IFITM10: variants seen among roughly 807,000 people sequenced by gnomAD.
The protein encoded by IFITM10 is interferon-induced transmembrane protein 10.
Under a neutral mutation model 19.0 loss-of-function variants are expected in IFITM10, and 17 were observed. That is an observed-to-expected ratio of 0.90 (90% CI 0.61 to 1.34). The LOEUF (loss-of-function observed/expected upper bound fraction) is 1.34. Among genes scored for constraint, IFITM10 ranks in the 40% most tolerant of loss-of-function variants. The pLI, the probability that IFITM10 is intolerant of heterozygous loss-of-function variation, is 0.00. For synonymous variants in IFITM10, 148 were observed against 147.2 expected, an observed-to-expected ratio of 1.01 and a Z score of -0.04; for missense variants, 306 against 319.8, an observed-to-expected ratio of 0.96 and a Z score of 0.33.
intron 2 of IFITM10, among the ~76,000 whole-genome samples, chr11:1,742,555 G>A (rs1845581981): frequency 6.6e-6 from 1 of 152,210 alleles, no homozygotes; most frequent in African/African-American, 2.4e-5. Context: ...AGCAGCAGGA[G>A]GAAGGGCGGG....
rs1182106613 is a variant in IFITM10, at chr11:1,735,125, C to T, written c.*155G>A. The T allele has an allele frequency of 2.8e-6, 2 of 723,720 alleles. No individual in the cohort carries two copies. Among genetic ancestry groups the T allele is most frequent in the African/African-American group, 1.8e-5 (1 of 56,002 alleles). 44.8% of individuals were successfully genotyped at this position (723,720 alleles called of 1,614,324 possible). A position where few individuals can be genotyped will look rare whatever the true frequency, so the allele number is the denominator to read the frequency against. On this transcript the variant is annotated 3_prime_UTR_variant, in exon 3 of 3. Transcript: ENST00000340134. ...CTCACTGCCCCCTTGCTGTACTCAG[C>T]TTCTGATGGCCTTGCTGCCCAGTTC...
chr11:1,742,910 G>C (rs113127853), intron 2 of IFITM10, among the ~76,000 whole-genome samples: 2 of 151,442 alleles, frequency 1.3e-5, no homozygotes, highest in African/African-American at 4.9e-5. Flanking sequence ...TGGACAGATG[G>C]AGGATGGATA....
rs982975857 is a variant in IFITM10, at chr11:1,747,569, C to T, written c.537+98G>A. On this transcript the variant is annotated intron_variant, in intron 2 of 2. Transcript: ENST00000340134. ...TGCACCTGTTCTACCCGTGTGCTCC[C>T]CTGAGAGGGAGAGGGGCCGAGCGCC... is the stretch of plus-strand genomic sequence containing the variant. The T allele has an allele frequency of 8.3e-6, 9 of 1,082,416 alleles. No individual in the cohort carries two copies. In the Admixed American group the frequency reaches 1.5e-4, roughly 19 times the overall value. The allele number at this position is 1,082,416 out of a possible 1,614,324, so 67.1% of individuals were successfully genotyped here.
At position 1,743,029 on chromosome 11, in the gene IFITM10, G is replaced by A. The variant is rs376283396; in HGVS notation, c.537+4638C>T. Among the ~76,000 whole-genome samples, 274 of 148,056 alleles carry A rather than the reference G, an allele frequency of 1.9e-3. 13 individuals are homozygous for A. The South Asian group carries it at 0.059, about 32-fold the overall frequency. The stretch of plus-strand genomic sequence containing the variant: ...AGATAAATGGATGGATGGATTGAGG[G>A]TGGATGGATGGATGGATGAAGGATG... On this transcript the variant is annotated intron_variant, in intron 2 of 2. Transcript: ENST00000340134.
intron 2 of IFITM10, among the ~76,000 whole-genome samples, chr11:1,738,199 C>T (rs1285782558): frequency 6.6e-6 from 1 of 151,996 alleles, no homozygotes; most frequent in Non-Finnish European, 1.5e-5. Context: ...ATGAGTGGGA[C>T]AGGGAGAGAG....
chr11:1,735,328 G>A lies in IFITM10; in HGVS notation c.639C>T (p.Cys213=), dbSNP rs1851074685. Residue 213 remains cysteine (C), a synonymous_variant, in exon 3 of 3, where the codon TGC becomes TGT. Transcript: ENST00000340134. ...NITSSALAAS[C]IILVFIFLRY... is the part of the protein sequence containing the mutation. The stretch of plus-strand genomic sequence containing the variant: ...GCAGGAAGATGAAGACGAGGATGAT[G>A]CAGGAGGCTGCCAGGGCAGAACTGG... 1 of 1,551,730 alleles carries A rather than the reference G, an allele frequency of 6.4e-7. No homozygotes were observed.
chr11:1,750,108 C>T (rs1845700292), intron 1 of IFITM10, among the ~76,000 whole-genome samples: 1 of 152,170 alleles, frequency 6.6e-6, no homozygotes, highest in Non-Finnish European at 1.5e-5. Context: ...CCTTCTGAGC[C>T]TGGTCCCCTG....
chr11:1,743,791 T>G (rs1845601021), intron 2 of IFITM10, among the ~76,000 whole-genome samples: 3 of 152,104 alleles, frequency 2.0e-5, no homozygotes, highest in Non-Finnish European at 2.9e-5. Context: ...CACTGGGACT[T>G]GAACCTTCTG....
chr11:1,748,442 C>A, intron 1 of IFITM10: 1 of 324,242 alleles, frequency 3.1e-6, no homozygotes. Flanking sequence ...TTGCAAAACA[C>A]AGAGTGCCCC....
Position 1,743,806 on chromosome 11 carries a change from G to A in IFITM10, c.537+3861C>T, listed in dbSNP as rs369085741. 1.2e-3 allele frequency among the ~76,000 whole-genome samples: 179 copies of A among 151,926 alleles called. 2 individuals carry two copies. Among genetic ancestry groups the A allele is most frequent in the African/African-American group, 4.0e-3 (165 of 41,406 alleles). Reference sequence around the variant, plus strand: ...CACTGGGACTTGAACCTTCTGCCTCGAGGCTTGTCTTGTCTCCTTCCCCTA... The same window carrying A: ...CACTGGGACTTGAACCTTCTGCCTCAAGGCTTGTCTTGTCTCCTTCCCCTA... On this transcript the variant is annotated intron_variant, in intron 2 of 2. Coordinates refer to ENST00000340134, the MANE Select transcript of IFITM10 (RefSeq NM_001170820.4).
Position 1,735,374 on chromosome 11 carries a change from G to A in IFITM10, c.593C>T (p.Thr198Met), listed in dbSNP as rs932798603. ...ACTGGTGATGTTGAACAGCCGGGCC[G>A]TCTTTGCATCCTCCACGGCTCCATT... ...DLNGAVEDAKTARLFNITSSA... is the reference protein window; with the variant it reads ...DLNGAVEDAKMARLFNITSSA... The change falls in exon 3 of 3, where the codon ACG becomes ATG. Residue 198 changes from threonine (T) to methionine (M), a missense_variant. Physicochemically the swap from Thr to Met is moderately conservative, Grantham distance 81. Transcript: ENST00000340134. The A allele has an allele frequency of 3.0e-5, 46 of 1,551,594 alleles. No homozygotes were observed. Among genetic ancestry groups the A allele is most frequent in the Non-Finnish European group, 3.6e-5 (41 of 1,146,982 alleles).
At chr11:1,749,177 C>G in intron 1 of IFITM10, 1 of 823,272 alleles carries the variant, frequency 1.2e-6, no homozygotes, top group Non-Finnish European at 1.5e-6. Context: ...CGCTGCCTCC[C>G]CCGCCGCCTG....
intron 1 of IFITM10, among the ~76,000 whole-genome samples, chr11:1,749,702 C>G (rs986380739): frequency 2.0e-5 from 3 of 151,824 alleles, no homozygotes; most frequent in Non-Finnish European, 4.4e-5. Flanking sequence ...CTGCCCGTCT[C>G]TGCCCCATCC....
chr11:1,749,090 G>T lies in IFITM10; in HGVS notation c.85-971C>A, dbSNP rs550294306. On this transcript the variant is annotated intron_variant, in intron 1 of 2. Coordinates refer to ENST00000340134, the MANE Select transcript of IFITM10 (RefSeq NM_001170820.4). ...GCGTCCTTCCGCCGTCCCGCGGGCC[G>T]CTGTCTGTCCACTGATCCGCCTCCC... 7.0e-4 allele frequency: 798 copies of T among 1,143,608 alleles called. 6 individuals are homozygous for T. The African/African-American group carries it at 0.012, about 18-fold the overall frequency. 70.8% of individuals were successfully genotyped at this position (1,143,608 alleles called of 1,614,324 possible). A position where few individuals can be genotyped will look rare whatever the true frequency, so the allele number is the denominator to read the frequency against.
intron 1 of IFITM10, 64 bp downstream of exon 1, chr11:1,750,295 C>T (rs559321995): frequency 1.3e-6 from 2 of 1,547,808 alleles, no homozygotes; most frequent in African/African-American, 2.7e-5. Flanking sequence ...CCAGCCTTCC[C>T]TCCCTCCCTC....
At position 1,735,298 on chromosome 11, in the gene IFITM10, G is replaced by A; in HGVS notation, c.669C>T (p.Tyr223=). The change falls in exon 3 of 3, where the codon TAC becomes TAT. Residue 223 remains tyrosine (Y), a synonymous_variant. Coordinates refer to ENST00000340134, the MANE Select transcript of IFITM10 (RefSeq NM_001170820.4). The part of the protein sequence containing the change: ...CIILVFIFLR[Y]PLTDY ...GCGGGCCTTAGTAGTCGGTGAGGGG[G>A]TACCGCAGGAAGATGAAGACGAGGA... 2 of 1,551,706 alleles carry A rather than the reference G, an allele frequency of 1.3e-6. No individual in the cohort carries two copies. Among genetic ancestry groups the A allele is most frequent in the Non-Finnish European group, 1.7e-6 (2 of 1,146,976 alleles).
chr11:1,749,176 C>T, intron 1 of IFITM10: 1 of 830,786 alleles, frequency 1.2e-6, no homozygotes, highest in Non-Finnish European at 1.5e-6. Context: ...CCGCTGCCTC[C>T]CCCGCCGCCT....
In IFITM10 at chr11:1,732,945, A is replaced by G. The variant is rs1276134235; in HGVS notation, c.*2335T>C. ...CCAAATGTTTAAGGAAAATAGGCAA[A>G]GAAAGCATTTGCCCCTCTACTTTCT... On this transcript the variant is annotated 3_prime_UTR_variant, in exon 3 of 3. Coordinates refer to ENST00000340134, the MANE Select transcript of IFITM10 (RefSeq NM_001170820.4). 4 of 152,276 alleles carry G rather than the reference A, an allele frequency of 2.6e-5. No individual in the cohort carries two copies. Among genetic ancestry groups the G allele is most frequent in the Non-Finnish European group, 5.9e-5 (4 of 68,124 alleles). The allele number at this position is 152,276 out of a possible 1,614,324, so 9.4% of individuals were successfully genotyped here.
chr11:1,748,375 T>C, intron 1 of IFITM10: 1 of 398,502 alleles, frequency 2.5e-6, no homozygotes, highest in Non-Finnish European at 4.4e-6. Context: ...ACTCACCCAC[T>C]GACACACACA....
Sources: gnomAD v4.1 joint callset for allele counts (sites outside exome capture counted in the v4.1 genomes callset) on GRCh38, gnomAD v4.1.1 for gene constraint, MANE v1.5 for transcripts, NCBI Gene and HGNC (gene_info 2026-07-23, HGNC 2026-07-21) for gene names.